ARHGAP24: variants seen among roughly 807,000 people sequenced by gnomAD.
The protein encoded by ARHGAP24 is Rho GTPase activating protein 24, also known as rho GTPase-activating protein 24.
Under a neutral mutation model 76.4 loss-of-function variants are expected in ARHGAP24, and 50 were observed. The ratio of observed to expected loss-of-function variants is 0.65; its 90% CI spans 0.52 to 0.83. The LOEUF (loss-of-function observed/expected upper bound fraction) is 0.83, where lower values mean the gene tolerates loss of function less well. ARHGAP24 is among the 40% of genes least tolerant of loss of function. The pLI is 0.00. For missense variants in ARHGAP24, 930 were observed against 914.2 expected (o/e 1.02, Z -0.22); for synonymous variants, 345 against 323.3 (o/e 1.07, Z -0.72).
intron 3 of ARHGAP24, among the ~76,000 whole-genome samples, chr4:85,841,331 A>G (rs920216046): frequency 6.6e-6 from 1 of 152,242 alleles, no homozygotes; most frequent in African/African-American, 2.4e-5. Flanking sequence ...CCAGCAGAGC[A>G]CAGTGCTGAA....
intron 2 of ARHGAP24, among the ~76,000 whole-genome samples, chr4:85,642,775 C>T (rs1415916386): frequency 1.3e-5 from 2 of 152,142 alleles, no homozygotes; most frequent in Non-Finnish European, 2.9e-5. Flanking sequence ...TCACAAAAGT[C>T]CATTTTTAAC....
At chr4:85,794,631 C>T (rs934976034) in intron 3 of ARHGAP24, among the ~76,000 whole-genome samples, 11 of 152,042 alleles carry the variant, frequency 7.2e-5, no homozygotes, top group Non-Finnish European at 1.3e-4. Flanking sequence ...TACAGGCATG[C>T]GCCACCACAC....
intron 1 of ARHGAP24, among the ~76,000 whole-genome samples, chr4:85,554,557 C>T (rs1560530529): frequency 6.6e-6 from 1 of 152,002 alleles, no homozygotes; most frequent in Non-Finnish European, 1.5e-5. Context: ...GAGATTTTTC[C>T]TCAGCTTGAT....
intron 2 of ARHGAP24, among the ~76,000 whole-genome samples, chr4:85,684,590 C>T (rs559326092): frequency 4.7e-4 from 72 of 151,894 alleles, no homozygotes; most frequent in Non-Finnish European, 9.1e-4. Context: ...CCGTCCAAGC[C>T]GATATAATTT....
intron 3 of ARHGAP24, among the ~76,000 whole-genome samples, chr4:85,743,507 G>A (rs1725906189): frequency 6.7e-6 from 1 of 149,172 alleles, no homozygotes; most frequent in Non-Finnish European, 1.5e-5. Flanking sequence ...GGCTGAGTCA[G>A]CAGTGAGCCA....
intron 2 of ARHGAP24, among the ~76,000 whole-genome samples, chr4:85,584,773 AG>A (rs773504054): frequency 4.6e-5 from 7 of 152,174 alleles, no homozygotes; most frequent in Admixed American, 6.5e-5. Flanking sequence ...GGGAGAAAAA[AG>A]AAGGAACTTC....
chr4:85,855,114 A>T (rs1731479676), intron 3 of ARHGAP24, among the ~76,000 whole-genome samples: 1 of 152,192 alleles, frequency 6.6e-6, no homozygotes, highest in South Asian at 2.1e-4. Context: ...ATTTTGAAAA[A>T]TAGTCTTCTA....
intron 2 of ARHGAP24, among the ~76,000 whole-genome samples, chr4:85,621,142 T>C (rs1048714313): frequency 2.0e-5 from 3 of 152,162 alleles, no homozygotes; most frequent in African/African-American, 7.2e-5. Flanking sequence ...TATTGCATGT[T>C]GTCTATATAC....
intron 8 of ARHGAP24, among the ~76,000 whole-genome samples, chr4:85,984,585 G>C (rs1232582168): frequency 6.6e-6 from 1 of 152,058 alleles, no homozygotes; most frequent in Non-Finnish European, 1.5e-5. Context: ...AATCTTGTTG[G>C]GGACACAAAC....
chr4:85,861,614 A>G (rs1422929334), intron 3 of ARHGAP24, among the ~76,000 whole-genome samples: 2 of 152,066 alleles, frequency 1.3e-5, no homozygotes, highest in Non-Finnish European at 2.9e-5. Context: ...TATAAATGAC[A>G]TGTTCACCTC....
intron 1 of ARHGAP24, among the ~76,000 whole-genome samples, chr4:85,526,374 TGG>T (rs1724991894): frequency 6.9e-6 from 1 of 145,040 alleles, no homozygotes; most frequent in Admixed American, 7.1e-5. Context: ...TACTCGAGCC[TGG>T]GCGACAGAGC....
At chr4:85,639,899 A>G (rs1382166488) in intron 2 of ARHGAP24, among the ~76,000 whole-genome samples, 1 of 152,120 alleles carries the variant, frequency 6.6e-6, no homozygotes, top group Non-Finnish European at 1.5e-5. Context: ...TAAATAATAC[A>G]ATGGCAAATT....
At chr4:85,747,191 T>C (rs1726074748) in intron 3 of ARHGAP24, among the ~76,000 whole-genome samples, 1 of 152,246 alleles carries the variant, frequency 6.6e-6, no homozygotes, top group Non-Finnish European at 1.5e-5. Context: ...CATTTTTTGC[T>C]TTTTAAATCT....
chr4:85,660,577 C>G (rs1722340110), intron 2 of ARHGAP24, among the ~76,000 whole-genome samples: 1 of 151,940 alleles, frequency 6.6e-6, no homozygotes, highest in Non-Finnish European at 1.5e-5. Context: ...GCAGGTGGAT[C>G]ACGAGGTCAG....
intron 3 of ARHGAP24, among the ~76,000 whole-genome samples, chr4:85,858,778 T>C (rs578036964): frequency 1.2e-4 from 18 of 152,086 alleles, no homozygotes; most frequent in Non-Finnish European, 2.2e-4. Context: ...ACGGTAGTGA[T>C]AATGTGTCTG....
At position 85,897,310 on chromosome 4, in the gene ARHGAP24, A is replaced by G. The variant is rs79227787; in HGVS notation, c.269-26338A>G. Among the ~76,000 whole-genome samples the G allele has an allele frequency of 5.0e-3, 759 of 152,266 alleles. 18 individuals are homozygous for G. Among genetic ancestry groups the G allele is most frequent in the East Asian group, 0.041 (210 of 5,178 alleles). ...AAATGTGAAGGAAAAATCACTCCAC[A>G]GTCTGCACACAAATATATTTTGTTT... On this transcript the variant is annotated intron_variant, in intron 3 of 9. Coordinates refer to ENST00000395184, the MANE Select transcript of ARHGAP24 (RefSeq NM_001025616.3).
At chr4:85,916,036 A>T (rs1735367065) in intron 3 of ARHGAP24, among the ~76,000 whole-genome samples, 1 of 152,206 alleles carries the variant, frequency 6.6e-6, no homozygotes, top group Non-Finnish European at 1.5e-5. Flanking sequence ...CACTCCCACC[A>T]ACAGTGTAAA....
rs539508084 is a variant in ARHGAP24, at chr4:85,667,347, C to T, written c.181-54538C>T. ...CTGGTGCGCCATTTTTTAAGCCCGTCGGAAAAGCGCAGTATTAGGATGGGA... is the reference window on the plus strand; with the variant it reads ...CTGGTGCGCCATTTTTTAAGCCCGTTGGAAAAGCGCAGTATTAGGATGGGA... On this transcript the variant is annotated intron_variant, in intron 2 of 9. Coordinates refer to ENST00000395184, the MANE Select transcript of ARHGAP24 (RefSeq NM_001025616.3). Among the ~76,000 whole-genome samples the T allele has an allele frequency of 2.6e-5, 4 of 152,264 alleles. No homozygotes were observed. In the East Asian group the frequency reaches 5.8e-4, roughly 22 times the overall value.
At position 85,950,837 on chromosome 4, in the gene ARHGAP24, A is replaced by T. The variant is rs142967083; in HGVS notation, c.599+8564A>T. Among the ~76,000 whole-genome samples, 934 of 151,838 alleles carry T rather than the reference A, an allele frequency of 6.2e-3. 5 individuals are homozygous for T. Among genetic ancestry groups the T allele is most frequent in the Middle Eastern group, 0.01 (3 of 294 alleles). ...AGGTGCATGCCACCATACCTGGCTA[A>T]TTTTTGTATTTTATTTTTTTTAGTA... On this transcript the variant is annotated intron_variant, in intron 5 of 9. Coordinates refer to ENST00000395184, the MANE Select transcript of ARHGAP24 (RefSeq NM_001025616.3).
Sources: allele counts gnomAD v4.1 joint callset (sites outside exome capture counted in the v4.1 genomes callset), GRCh38; gene constraint gnomAD v4.1.1; transcripts MANE v1.5; gene names NCBI Gene and HGNC (gene_info 2026-07-23, HGNC 2026-07-21).